The following DHX29 variants were observed in gnomAD, a reference collection of about 807,000 sequenced individuals.
DHX29 encodes DExH-box helicase 29.
Under a neutral mutation model 167.9 loss-of-function variants are expected in DHX29, and 79 were observed. The ratio of observed to expected loss-of-function variants is 0.47; its 90% CI spans 0.39 to 0.57. The LOEUF (loss-of-function observed/expected upper bound fraction) is 0.57. Ranked by LOEUF, DHX29 falls within the 20% of genes least tolerant of loss-of-function variation. The pLI, the probability that DHX29 is intolerant of heterozygous loss-of-function variation, is 0.00. For synonymous variants in DHX29, 530 were observed against 546.0 expected (o/e 0.97, Z 0.41); for missense variants, 1,347 against 1,593.4 (o/e 0.85, Z 2.63).
chr5:55,289,143 T>C, intron 8 of DHX29, 127 bp downstream of exon 8: 2 of 1,057,736 alleles, frequency 1.9e-6, no homozygotes, highest in Non-Finnish European at 2.5e-6. Context: ...AGACAGCTTA[T>C]AAAGTGTAAC....
chr5:55,281,785 C>CTTTT (rs200474683), intron 11 of DHX29, among the ~76,000 whole-genome samples: 2 of 139,164 alleles, frequency 1.4e-5, no homozygotes, highest in Admixed American at 7.2e-5. Flanking sequence ...AACAGAAAAA[C>CTTTT]TTTTTTTTTT....
At chr5:55,296,844 T>C (rs1238396390) in intron 3 of DHX29, among the ~76,000 whole-genome samples, 1 of 152,202 alleles carries the variant, frequency 6.6e-6, no homozygotes, top group Non-Finnish European at 1.5e-5. Context: ...CATTTTAACA[T>C]ACTTTCTAAA....
intron 11 of DHX29, among the ~76,000 whole-genome samples, chr5:55,282,815 A>G (rs1747502113): frequency 6.6e-6 from 1 of 152,180 alleles, no homozygotes; most frequent in Non-Finnish European, 1.5e-5. Flanking sequence ...TGCTCACTGA[A>G]AAGAATTAAT....
intron 18 of DHX29, 21 bp downstream of exon 18, chr5:55,272,066 A>G (rs962699015): frequency 3.8e-5 from 54 of 1,424,856 alleles, no homozygotes; most frequent in Non-Finnish European, 4.9e-5. Context: ...AAATGTTTTG[A>G]TTTGGGAAAT....
chr5:55,293,366 G>A (rs184827368), intron 6 of DHX29, among the ~76,000 whole-genome samples: 5 of 152,312 alleles, frequency 3.3e-5, no homozygotes, highest in African/African-American at 1.2e-4. Context: ...CTAAGTGGCT[G>A]TACCATTTTA....
rs1402288542 is a variant in DHX29, at chr5:55,283,520, T to G, written c.1648A>C (p.Arg550=). Residue 550 remains arginine (R), a synonymous_variant, in exon 11 of 27, where the codon AGA becomes CGA. Transcript: ENST00000251636. ...CTTTGCAACTTTCTAAAGAGGTTTC[T>G]AACAGGTTCCAAATCTTCCACATTT... ...SANVEDLEPV[R]NLFRKLQSTP... The G allele has an allele frequency of 1.9e-6, 3 of 1,614,212 alleles. No homozygotes were observed. Among genetic ancestry groups the G allele is most frequent in the Non-Finnish European group, 2.5e-6 (3 of 1,180,036 alleles).
In DHX29 at chr5:55,290,046, T is replaced by C. The variant is rs537965355; in HGVS notation, c.907+172A>G. ...TTGAATAGTTGTAACAGAGGCTGTA[T>C]GGCCCATGAAGTCCACAGTATTTAC... is the stretch of plus-strand genomic sequence containing the variant. On this transcript the variant is annotated intron_variant, in intron 7 of 26. Coordinates refer to ENST00000251636, the MANE Select transcript of DHX29 (RefSeq NM_019030.4). Among the ~76,000 whole-genome samples the C allele has an allele frequency of 1.3e-5, 2 of 152,356 alleles. 1 individual carries two copies. The highest frequency in any genetic ancestry group is 4.1e-4 in the South Asian group (2 of 4,826).
chr5:55,303,758 T>G (rs1352094424), intron 1 of DHX29, among the ~76,000 whole-genome samples: 1 of 152,212 alleles, frequency 6.6e-6, no homozygotes, highest in African/African-American at 2.4e-5. Flanking sequence ...GCAGATCATC[T>G]CAGTTTAAAT....
At chr5:55,272,871 G>A (rs576726112) in intron 17 of DHX29, among the ~76,000 whole-genome samples, 1 of 152,212 alleles carries the variant, frequency 6.6e-6, no homozygotes, top group African/African-American at 2.4e-5. Flanking sequence ...TCCTGGCTCT[G>A]TTACTTATTA....
chr5:55,287,369 A>T (rs1312382014), intron 8 of DHX29, among the ~76,000 whole-genome samples: 8 of 152,120 alleles, frequency 5.3e-5, no homozygotes, highest in African/African-American at 1.9e-4. Context: ...TGAACCTGGG[A>T]GGCTGAGGTT....
intron 25 of DHX29, among the ~76,000 whole-genome samples, chr5:55,260,201 T>TC (rs909289062): frequency 3.3e-5 from 5 of 152,148 alleles, no homozygotes. Context: ...TTATATCAAC[T>TC]CTGTGGAAGT....
chr5:55,261,184 C>A (rs1390805940), intron 25 of DHX29, among the ~76,000 whole-genome samples, 184 bp downstream of exon 25: 2 of 152,004 alleles, frequency 1.3e-5, no homozygotes, highest in Non-Finnish European at 2.9e-5. Flanking sequence ...TTTGTAATAG[C>A]AATATAATTT....
intron 6 of DHX29, 50 bp downstream of exon 6, chr5:55,293,967 A>G (rs377062290): frequency 6.4e-7 from 1 of 1,567,636 alleles, no homozygotes; most frequent in African/African-American, 1.4e-5. Context: ...AAGGAAATAT[A>G]TCTTGCTTAA....
chr5:55,299,714 T>C (rs1748506930), intron 1 of DHX29, among the ~76,000 whole-genome samples: 1 of 152,146 alleles, frequency 6.6e-6, no homozygotes, highest in African/African-American at 2.4e-5. Context: ...TTATTGGATT[T>C]AGGAATCACC....
chr5:55,272,682 G>C (rs1193467185), intron 17 of DHX29, among the ~76,000 whole-genome samples: 2 of 152,110 alleles, frequency 1.3e-5, no homozygotes, highest in African/African-American at 2.4e-5. Flanking sequence ...GCAGTGAGCC[G>C]AGATTGTGCC....
At chr5:55,276,202 C>T (rs371803161) in intron 14 of DHX29, 64 bp downstream of exon 14, 23 of 1,360,920 alleles carry the variant, frequency 1.7e-5, no homozygotes, top group East Asian at 2.5e-5. Context: ...GATTTTGAAA[C>T]TCTTGTGGCA....
At chr5:55,275,767 ATGTATG>A (rs1279788301) in intron 14 of DHX29, among the ~76,000 whole-genome samples, 3 of 150,746 alleles carry the variant, frequency 2.0e-5, no homozygotes, top group Non-Finnish European at 2.9e-5. Flanking sequence ...GTATGTATGT[ATGTATG>A]TGTGTGTGTC....
In DHX29 at chr5:55,259,829, C is replaced by T. The variant is rs772387713; in HGVS notation, c.4057+19G>A. 4.2e-6 allele frequency: 6 copies of T among 1,429,426 alleles called. No homozygotes were observed. The African/African-American group carries it at 8.4e-5, about 20-fold the overall frequency. The allele number at this position is 1,429,426 out of a possible 1,614,324, so 88.5% of individuals were successfully genotyped here. A position where few individuals can be genotyped will look rare whatever the true frequency, so the allele number is the denominator to read the frequency against. ...ACACATATGTGTATATGGTCTTTCA[C>T]TTATAAGCAAACACTTACTTTCAAG... On this transcript the variant is annotated intron_variant, in intron 26 of 26. Coordinates refer to ENST00000251636, the MANE Select transcript of DHX29 (RefSeq NM_019030.4).
At chr5:55,285,272 G>C (rs772333138) in intron 10 of DHX29, 21 bp downstream of exon 10, 1 of 1,612,650 alleles carries the variant, frequency 6.2e-7, no homozygotes, top group Admixed American at 1.7e-5. Flanking sequence ...TACAGATATA[G>C]TTAGGCCTAA....
Sources: allele counts gnomAD v4.1 joint callset (sites outside exome capture counted in the v4.1 genomes callset), GRCh38; gene constraint gnomAD v4.1.1; transcripts MANE v1.5; gene names NCBI Gene and HGNC (gene_info 2026-07-23, HGNC 2026-07-21).